Variants in RBM44 observed in about 807,000 individuals in gnomAD.
The protein encoded by RBM44 is RNA binding motif protein 44, also known as RNA-binding protein 44.
In RBM44, 66 loss-of-function variants were observed where a neutral mutation model predicts 105.1. That is an observed-to-expected ratio of 0.63 (90% CI 0.52 to 0.77). The LOEUF is 0.77. Among genes scored for constraint, RBM44 ranks in the 30% least tolerant of loss-of-function variants. The pLI is 0.00. For synonymous variants in RBM44, 365 were observed against 417.6 expected, an observed-to-expected ratio of 0.87 and a Z score of 1.54; for missense variants, 1,122 against 1,207.8, an observed-to-expected ratio of 0.93 and a Z score of 1.05.
rs1468404359 is a variant in RBM44, at chr2:237,820,289, G to A, written c.1851G>A (p.Met617Ile). 3 of 1,604,448 alleles carry A rather than the reference G, an allele frequency of 1.9e-6. No individual in the cohort carries two copies. The highest frequency in any genetic ancestry group is 2.6e-6 in the Non-Finnish European group (3 of 1,174,608). Residue 617 changes from methionine to isoleucine, a missense_variant, in exon 5 of 16, where the codon ATG (methionine) becomes ATA (isoleucine). Physicochemically the swap from Met to Ile is conservative, Grantham distance 10. Around this residue, in one of 3 missense-constraint regions of RBM44, gnomAD observed 918 missense variants for 955.3 expected, o/e 0.96. Coordinates refer to ENST00000316997, the MANE Select transcript of RBM44 (RefSeq NM_001080504.3). ...ELHLLNVHYQ[M>I]CRRHCCDIYK... ...ACCTTTTAAATGTTCACTATCAGATGTGTCGTCGCCATTGTTGTGATATTT... is the reference window on the plus strand; with the variant it reads ...ACCTTTTAAATGTTCACTATCAGATATGTCGTCGCCATTGTTGTGATATTT...
At chr2:237,836,520 G>A (rs888778717) in intron 15 of RBM44, among the ~76,000 whole-genome samples, 1 of 152,068 alleles carries the variant, frequency 6.6e-6, no homozygotes, top group Admixed American at 6.5e-5. Context: ...AGTGGCTCAC[G>A]CCTGTAATCC....
intron 15 of RBM44, among the ~76,000 whole-genome samples, chr2:237,835,177 C>T (rs2150990296): frequency 6.6e-6 from 1 of 152,282 alleles, no homozygotes; most frequent in East Asian, 1.9e-4. Context: ...TATAAAACAG[C>T]AAATTTTATA....
At chr2:237,814,890 A>G (rs1048912898) in intron 2 of RBM44, among the ~76,000 whole-genome samples, 1 of 81,292 alleles carries the variant, frequency 1.2e-5, no homozygotes, top group African/African-American at 1.4e-4. Context: ...CTAAGTGTTA[A>G]CCCCCACCCC....
chr2:237,800,703 A>C (rs1378247288), intron 1 of RBM44, among the ~76,000 whole-genome samples: 2 of 152,176 alleles, frequency 1.3e-5, no homozygotes, highest in Non-Finnish European at 2.9e-5. Flanking sequence ...AAATAAAAAA[A>C]AATACTCCTT....
rs1354799907 is a variant in RBM44 at position 237,815,917 on chromosome 2, TTCCAGTC to T, written c.74-1075_74-1069del. On this transcript the variant is annotated intron_variant, in intron 2 of 15. Transcript: ENST00000316997. ...GTTGCCAGGAATGACTACAACTCAATTCCAGTCACATGACTACCCTTTAATGAAGTTT... is the reference window on the plus strand; with the variant it reads ...GTTGCCAGGAATGACTACAACTCAATACATGACTACCCTTTAATGAAGTTT... Among the ~76,000 whole-genome samples the T allele has an allele frequency of 3.3e-5, 5 of 152,246 alleles. No individual in the cohort carries two copies. The South Asian group carries it at 1.0e-3, about 32-fold the overall frequency.
chr2:237,813,465 TA>T (rs1178522931), intron 1 of RBM44, 126 bp from the exon 2 acceptor site: 1 of 542,122 alleles, frequency 1.8e-6, no homozygotes, highest in East Asian at 3.0e-5. Flanking sequence ...TTTAGTGACC[TA>T]ATGCATTGGT....
At position 237,817,272 on chromosome 2, in the gene RBM44, A is replaced by C; in HGVS notation, c.353A>C (p.Glu118Ala). 3.1e-6 allele frequency: 5 copies of C among 1,607,874 alleles called. No individual in the cohort carries two copies. Among genetic ancestry groups the C allele is most frequent in the Non-Finnish European group, 4.2e-6 (5 of 1,176,986 alleles). Reference sequence around the variant, plus strand: ...AAAACATATTCTATACCTTATTCAGAGTCAAAACTAAAGAAGGAAAGTCTT... The same window carrying C: ...AAAACATATTCTATACCTTATTCAGCGTCAAAACTAAAGAAGGAAAGTCTT... The part of the protein sequence containing the change: ...LNKTYSIPYS[E>A]SKLKKESLTP... The change falls in exon 3 of 16, where the codon GAG (glutamate) becomes GCG (alanine). Residue 118 changes from glutamate to alanine, a missense_variant. Physicochemically the swap from Glu to Ala is moderately radical, Grantham distance 107. Transcript: ENST00000316997.
intron 5 of RBM44, 62 bp downstream of exon 5, chr2:237,820,413 T>C (rs1487545551): frequency 7.9e-6 from 8 of 1,015,902 alleles, no homozygotes; most frequent in Non-Finnish European, 8.4e-6. Context: ...AAGTTTATTC[T>C]AGAGAGTTTC....
intron 1 of RBM44, among the ~76,000 whole-genome samples, chr2:237,804,939 A>G (rs2061583361): frequency 6.6e-6 from 1 of 152,236 alleles, no homozygotes; most frequent in African/African-American, 2.4e-5. Flanking sequence ...CTGGAACAAG[A>G]CAAGGATGCT....
intron 15 of RBM44, among the ~76,000 whole-genome samples, chr2:237,840,045 C>T (rs368220742): frequency 5.3e-5 from 8 of 151,906 alleles, no homozygotes; most frequent in African/African-American, 1.2e-4. Flanking sequence ...GAAAATTAGC[C>T]GAGCATGATA....
chr2:237,801,631 C>G (rs1387062421), intron 1 of RBM44, among the ~76,000 whole-genome samples: 2 of 152,078 alleles, frequency 1.3e-5, no homozygotes, highest in Middle Eastern at 3.2e-3. Flanking sequence ...CTGGCCAGAC[C>G]AGTTCATTTT....
intron 2 of RBM44, among the ~76,000 whole-genome samples, chr2:237,815,770 A>G (rs1200622210): frequency 6.6e-6 from 1 of 151,918 alleles, no homozygotes. Flanking sequence ...TCCTCTTACT[A>G]TCATCTCTAA....
chr2:237,816,517 C>T (rs2150976244), intron 2 of RBM44, among the ~76,000 whole-genome samples: 1 of 152,234 alleles, frequency 6.6e-6, no homozygotes, highest in South Asian at 2.1e-4. Flanking sequence ...GCTGCCATAA[C>T]AAAATACCAT....
Position 237,807,209 on chromosome 2 carries a change from T to C in RBM44, c.-18-6383T>C, listed in dbSNP as rs1218907416. 2.0e-5 allele frequency among the ~76,000 whole-genome samples: 3 copies of C among 152,076 alleles called. No homozygotes were observed. In the East Asian group the frequency reaches 5.8e-4, roughly 29 times the overall value. On this transcript the variant is annotated intron_variant, in intron 1 of 15. Coordinates refer to ENST00000316997, the MANE Select transcript of RBM44 (RefSeq NM_001080504.3). ...TGTTGCCCAGGATGGAGTGCAGTGGTGCAATCTTGGCTCACTGCAACCTCT... is the reference window on the plus strand; with the variant it reads ...TGTTGCCCAGGATGGAGTGCAGTGGCGCAATCTTGGCTCACTGCAACCTCT...
intron 10 of RBM44, 45 bp from the exon 11 acceptor site, chr2:237,827,205 C>G: frequency 9.6e-7 from 1 of 1,039,018 alleles, no homozygotes; most frequent in African/African-American, 1.6e-5. Context: ...TGAAACATAT[C>G]AGTACAATAA....
intron 13 of RBM44, among the ~76,000 whole-genome samples, chr2:237,831,968 T>C (rs1272182076): frequency 6.6e-6 from 1 of 152,054 alleles, no homozygotes; most frequent in African/African-American, 2.4e-5. Flanking sequence ...GTGTAGCACA[T>C]GTGGTCTCCT....
In RBM44 at chr2:237,821,774, CA is replaced by C; in HGVS notation, c.2153del (p.Gln718ArgfsTer12). 6.2e-7 allele frequency: 1 copy of C among 1,611,084 alleles called. No homozygotes were observed. The highest frequency in any genetic ancestry group is 8.5e-7 in the Non-Finnish European group (1 of 1,178,106). ...FSEADAEQDN[Q>X]RAHDVDVSSN... is the part of the protein sequence containing the mutation. The stretch of plus-strand genomic sequence containing the variant: ...AGAAGCAGATGCTGAACAAGATAAT[CA>C]GAGGGCTCATGATGTTGATGTTTCT... On this transcript the variant is annotated frameshift_variant, in exon 8 of 16. Coordinates refer to ENST00000316997, the MANE Select transcript of RBM44 (RefSeq NM_001080504.3). LOFTEE classifies it high-confidence loss of function.
intron 1 of RBM44, among the ~76,000 whole-genome samples, chr2:237,800,467 C>T (rs2061534129): frequency 6.6e-6 from 1 of 152,150 alleles, no homozygotes; most frequent in African/African-American, 2.4e-5. Context: ...AAGAATGAAG[C>T]TTGCAGCACA....
intron 1 of RBM44, among the ~76,000 whole-genome samples, chr2:237,804,260 T>C (rs149734556): frequency 8.1e-4 from 123 of 152,370 alleles, no homozygotes; most frequent in Non-Finnish European, 9.1e-4. Context: ...GTGATGAATG[T>C]ACAAGTGCAT....
Sources: allele counts gnomAD v4.1 joint callset (sites outside exome capture counted in the v4.1 genomes callset), GRCh38; gene constraint gnomAD v4.1.1; regional missense constraint gnomAD v4.1.1; transcripts MANE v1.5; gene names NCBI Gene and HGNC (gene_info 2026-07-23, HGNC 2026-07-21).